MYO1C: variants seen among roughly 807,000 people sequenced by gnomAD.
MYO1C encodes the protein unconventional myosin-Ic.
A neutral mutation model predicts 150.8 loss-of-function variants in MYO1C; 104 were observed. The ratio of observed to expected loss-of-function variants is 0.69; its 90% CI spans 0.59 to 0.81. The LOEUF (loss-of-function observed/expected upper bound fraction) is 0.81. MYO1C is among the 30% of genes least tolerant of loss of function. The pLI, the probability that MYO1C is intolerant of heterozygous loss-of-function variation, is 0.00. For synonymous variants in MYO1C, 663 were observed against 579.9 expected (o/e 1.14, Z -2.06); for missense variants, 1,504 against 1,435.0 (o/e 1.05, Z -0.78).
intron 31 of MYO1C, among the ~76,000 whole-genome samples, chr17:1,466,727 G>A (rs113983716): frequency 0.081 from 12,190 of 151,090 alleles, 532 homozygotes; most frequent in East Asian, 0.1. Flanking sequence ...CTGGGTTCAA[G>A]CAATTCTCCC....
At position 1,469,720 on chromosome 17, in the gene MYO1C, T is replaced by C. The variant is rs2074259063; in HGVS notation, c.2527-106A>G. 4.3e-6 allele frequency: 4 copies of C among 932,166 alleles called. No individual in the cohort carries two copies. The East Asian group carries it at 1.1e-4, about 25-fold the overall frequency. The allele number at this position is 932,166 out of a possible 1,614,324, so 57.7% of individuals were successfully genotyped here. ...CTTTGGATAAGTAACACCCCCTCCA[T>C]CTGGAGACGCTTCCGGTCAAGAGAC... On this transcript the variant is annotated intron_variant, in intron 24 of 31. Transcript: ENST00000648651.
rs1598326915 is a variant in MYO1C, at chr17:1,471,919, G to C, written c.2009C>G (p.Ala670Gly). The C allele has an allele frequency of 6.2e-7, 1 of 1,614,108 alleles. No homozygotes were observed. Among genetic ancestry groups the C allele is most frequent in the Non-Finnish European group, 8.5e-7 (1 of 1,180,016 alleles). ...AGFAYRRKYE[A>G]FLQRYKSLCP... is the part of the protein sequence containing the mutation. ...GACCTGCCCCCACCTTTGCAGGAAA[G>C]CTTCGTATTTGCGGCGATAGGCAAA... Residue 670 changes from alanine (A) to glycine (G), a missense_variant, in exon 19 of 32, where the codon GCT (alanine) becomes GGT (glycine). Physicochemically the swap from Ala to Gly is moderately conservative, Grantham distance 60. Coordinates refer to ENST00000648651, the MANE Select transcript of MYO1C (RefSeq NM_001080779.2).
At chr17:1,482,438 T>A (rs927597329) in intron 5 of MYO1C, 40 bp downstream of exon 5, 3 of 1,562,846 alleles carry the variant, frequency 1.9e-6, no homozygotes, top group African/African-American at 2.7e-5. Context: ...GTGTAGAGCC[T>A]ACTGAATGGG....
intron 1 of MYO1C, chr17:1,485,577 G>T: frequency 1.2e-6 from 1 of 828,910 alleles, no homozygotes; most frequent in Non-Finnish European, 1.5e-6. Flanking sequence ...TTCCCGGGAC[G>T]TTTTTCCACC....
intron 25 of MYO1C, chr17:1,469,320 G>A (rs1290694438): frequency 1.3e-5 from 8 of 600,168 alleles, no homozygotes; most frequent in Non-Finnish European, 2.1e-5. Flanking sequence ...AAATACAGTA[G>A]ACCGAGATAA....
chr17:1,481,302 T>G (rs977433244), intron 5 of MYO1C: 5 of 246,250 alleles, frequency 2.0e-5, no homozygotes, highest in Non-Finnish European at 2.4e-5. Flanking sequence ...ATCAGGCAGC[T>G]CATCCTGCTG....
In MYO1C at chr17:1,483,060, CT is replaced by C. The variant is rs2074569229; in HGVS notation, c.348-2del. ...GTACACAGTGTCCGCCACGGCAAAC[CT>C]GGGGCGGAGGCTCGTCAGGGAGTTT... On this transcript the variant is annotated splice_acceptor_variant, in intron 3 of 31. Coordinates refer to ENST00000648651, the MANE Select transcript of MYO1C (RefSeq NM_001080779.2). LOFTEE classifies it high-confidence loss of function. 6.2e-7 allele frequency: 1 copy of C among 1,600,766 alleles called. No individual in the cohort carries two copies. Among genetic ancestry groups the C allele is most frequent in the African/African-American group, 1.3e-5 (1 of 74,700 alleles).
rs2074223466 is a variant in MYO1C, at chr17:1,468,304, T to G, written c.2709A>C (p.Thr903=). ...GCAGCACTCGGGGGCTGATCTCATC[T>G]GTACCTGCAACTCAGATGGCGGGGA... is the stretch of plus-strand genomic sequence containing the variant. ...PRLFISTRLG[T]DEISPRVLQA... Residue 903 remains threonine, a synonymous_variant, in exon 27 of 32, where the codon ACA becomes ACC. Transcript: ENST00000648651. The G allele has an allele frequency of 6.2e-7, 1 of 1,613,922 alleles. No homozygotes were observed. Among genetic ancestry groups the G allele is most frequent in the East Asian group, 2.2e-5 (1 of 44,876 alleles).
intron 14 of MYO1C, among the ~76,000 whole-genome samples, chr17:1,476,182 C>CTTT (rs562917604): frequency 1.4e-5 from 2 of 144,138 alleles, no homozygotes; most frequent in African/African-American, 5.1e-5. Flanking sequence ...AGAAACAAGT[C>CTTT]TTTTTTTTTT....
chr17:1,481,592 C>T (rs1170357038), intron 5 of MYO1C, among the ~76,000 whole-genome samples: 1 of 151,792 alleles, frequency 6.6e-6, no homozygotes, highest in Non-Finnish European at 1.5e-5. Context: ...CCTCGAACTC[C>T]CGGGTTCAAG....
chr17:1,467,933 A>G, intron 28 of MYO1C, 23 bp from the exon 29 acceptor site: 1 of 1,612,780 alleles, frequency 6.2e-7, no homozygotes. Context: ...GGCAAAGGTC[A>G]GAGGTCGAGG....
At chr17:1,484,659 G>A (rs2074613910) in intron 1 of MYO1C, 3 of 461,798 alleles carry the variant, frequency 6.5e-6, no homozygotes, top group African/African-American at 2.0e-5. Context: ...GGAGAAAGGG[G>A]GGGTCACAAG....
At chr17:1,470,924 C>T in intron 21 of MYO1C, 147 bp downstream of exon 21, 1 of 1,015,530 alleles carries the variant, frequency 9.8e-7, no homozygotes, top group Non-Finnish European at 1.5e-6. Context: ...GGCCATTGGA[C>T]TCTCTGGAGA....
chr17:1,480,685 C>T, intron 6 of MYO1C, 21 bp downstream of exon 6: 2 of 1,614,072 alleles, frequency 1.2e-6, no homozygotes, highest in Non-Finnish European at 1.7e-6. Context: ...GTGGCACCTG[C>T]CCTCCCTGCC....
intron 24 of MYO1C, among the ~76,000 whole-genome samples, 183 bp downstream of exon 24, chr17:1,469,992 G>A (rs1448162625): frequency 1.3e-5 from 2 of 152,056 alleles, no homozygotes; most frequent in Non-Finnish European, 2.9e-5. Context: ...CCGAGATCAT[G>A]CCACTCCCTG....
intron 31 of MYO1C, among the ~76,000 whole-genome samples, chr17:1,466,146 G>C (rs922318376): frequency 1.4e-5 from 2 of 143,952 alleles, no homozygotes; most frequent in Non-Finnish European, 3.0e-5. Flanking sequence ...CTGCATTGCC[G>C]TGCTGCCTTT....
At chr17:1,483,935 G>A (rs371255889) in intron 2 of MYO1C, among the ~76,000 whole-genome samples, 1 of 152,060 alleles carries the variant, frequency 6.6e-6, no homozygotes, top group East Asian at 1.9e-4. Context: ...CCAGCTACTC[G>A]GGAGGCTGAG....
intron 5 of MYO1C, among the ~76,000 whole-genome samples, 168 bp downstream of exon 5, chr17:1,482,310 C>T (rs757258597): frequency 6.6e-5 from 10 of 152,126 alleles, no homozygotes; most frequent in Non-Finnish European, 2.9e-5. Flanking sequence ...TCTGCCACGG[C>T]CTCAATTTCC....
chr17:1,466,892 G>A (rs184211630), intron 31 of MYO1C, among the ~76,000 whole-genome samples: 1 of 152,284 alleles, frequency 6.6e-6, no homozygotes, highest in Admixed American at 6.5e-5. Flanking sequence ...CTCCCAAAGT[G>A]CTGGGATTAA....
Sources: gnomAD v4.1 joint callset for allele counts (sites outside exome capture counted in the v4.1 genomes callset) on GRCh38, gnomAD v4.1.1 for gene constraint, MANE v1.5 for transcripts, NCBI Gene and HGNC (gene_info 2026-07-23, HGNC 2026-07-21) for gene names.